DPYD: variants seen among roughly 807,000 people sequenced by gnomAD.
The protein encoded by DPYD is dihydropyrimidine dehydrogenase [NADP(+)].
Under a neutral mutation model 116.2 loss-of-function variants are expected in DPYD, and 109 were observed. The ratio of observed to expected loss-of-function variants is 0.94; its 90% CI spans 0.80 to 1.10. The LOEUF (loss-of-function observed/expected upper bound fraction) is 1.10, where lower values mean the gene tolerates loss of function less well. Ranked by LOEUF, DPYD falls within the 50% of genes least tolerant of loss-of-function variation. DPYD has a pLI of 0.00. For missense variants in DPYD, 1,302 were observed against 1,254.5 expected, an observed-to-expected ratio of 1.04 and a Z score of -0.57; for synonymous variants, 440 against 432.0, an observed-to-expected ratio of 1.02 and a Z score of -0.23.
chr1:97,495,297 T>C (rs998175945), intron 13 of DPYD, among the ~76,000 whole-genome samples: 3 of 152,078 alleles, frequency 2.0e-5, no homozygotes, highest in Non-Finnish European at 4.4e-5. Context: ...GATGAAAATA[T>C]GTAGATTAAT....
At chr1:97,825,780 A>G (rs1200801389) in intron 3 of DPYD, among the ~76,000 whole-genome samples, 1 of 152,146 alleles carries the variant, frequency 6.6e-6, no homozygotes, top group Admixed American at 6.5e-5. Flanking sequence ...ATAAAAAAAA[A>G]AGAAAGAAAG....
intron 2 of DPYD, among the ~76,000 whole-genome samples, chr1:97,838,856 A>C (rs895186123): frequency 2.0e-5 from 3 of 150,454 alleles, no homozygotes; most frequent in Non-Finnish European, 4.4e-5. Flanking sequence ...CGTCTCAAAA[A>C]AAAAAATAAA....
chr1:97,699,473 A>G lies in DPYD; in HGVS notation c.558T>C (p.Tyr186=). The G allele has an allele frequency of 3.7e-6, 6 of 1,613,702 alleles. No individual in the cohort carries two copies. Among genetic ancestry groups the G allele is most frequent in the Non-Finnish European group, 5.1e-6 (6 of 1,179,704 alleles). ...LPPPEKMSEA[Y]SAKIALFGAG... is the part of the protein sequence containing the mutation. ...CACCAAAAAGAGCAATCTTTGCAGA[A>G]TAGGCTTCAGACATTTTTTCTGGGG... Residue 186 remains tyrosine, a synonymous_variant, in exon 6 of 23, where the codon TAT becomes TAC. Transcript: ENST00000370192.
intron 8 of DPYD, among the ~76,000 whole-genome samples, chr1:97,655,207 A>T (rs1460830280): frequency 6.6e-6 from 1 of 152,190 alleles, no homozygotes; most frequent in East Asian, 1.9e-4. Context: ...TAAGAAAAAA[A>T]CTTTGGCAAT....
chr1:97,825,449 G>A (rs1037267449), intron 3 of DPYD, among the ~76,000 whole-genome samples: 2 of 152,054 alleles, frequency 1.3e-5, no homozygotes, highest in Non-Finnish European at 2.9e-5. Context: ...CTCCTGGCTA[G>A]ACACACTCAG....
rs112766203 is a variant in DPYD, at chr1:97,305,279, G to C, written c.2279C>G (p.Thr760Ser). ...PWPAVGIAKR[T>S]TYGGVSGTAI... Reference sequence around the variant, plus strand: ...CCTACCAGACACTCCTCCATATGTAGTTCGCTTTGCAATCCCCACTGCTGG... The same window carrying C: ...CCTACCAGACACTCCTCCATATGTACTTCGCTTTGCAATCCCCACTGCTGG... Residue 760 changes from threonine to serine, a missense_variant, in exon 18 of 23, where the codon ACT becomes AGT. Physicochemically the swap from Thr to Ser is moderately conservative, Grantham distance 58. Coordinates refer to ENST00000370192, the MANE Select transcript of DPYD (RefSeq NM_000110.4). 2.5e-6 allele frequency: 4 copies of C among 1,612,332 alleles called. No homozygotes were observed. The highest frequency in any genetic ancestry group is 3.4e-6 in the Non-Finnish European group (4 of 1,178,918).
In DPYD at chr1:97,523,544, T is replaced by C. The variant is rs111642321; in HGVS notation, c.1525-7603A>G. Among the ~76,000 whole-genome samples, 32 of 152,306 alleles carry C rather than the reference T, an allele frequency of 2.1e-4. No homozygotes were observed. The South Asian group carries it at 2.3e-3, about 11-fold the overall frequency. ...AGAATAAAGCAGAACCTCAGCATTA[T>C]ATAATCCCAATTGTGATCTGGGCCC... On this transcript the variant is annotated intron_variant, in intron 12 of 22. Transcript: ENST00000370192.
intron 16 of DPYD, among the ~76,000 whole-genome samples, chr1:97,371,296 G>T (rs778517553): frequency 6.6e-6 from 1 of 152,194 alleles, no homozygotes; most frequent in Non-Finnish European, 1.5e-5. Flanking sequence ...TGTCTAATTC[G>T]TGAAGCAAAT....
chr1:97,465,317 T>C (rs1314827525), intron 13 of DPYD, among the ~76,000 whole-genome samples: 3 of 152,138 alleles, frequency 2.0e-5, no homozygotes, highest in Non-Finnish European at 4.4e-5. Context: ...CTGTGGAAGT[T>C]TGAGTTAATG....
In DPYD at chr1:97,630,555, G is replaced by C. The variant is rs12032276; in HGVS notation, c.851-35389C>G. On this transcript the variant is annotated intron_variant, in intron 8 of 22. Coordinates refer to ENST00000370192, the MANE Select transcript of DPYD (RefSeq NM_000110.4). ...TGCTTCTCTAGGACCTCAGAGCTTA[G>C]TGTTTTGTCAGCTTCAAGCTGTTTT... Among the ~76,000 whole-genome samples, 1,490 of 152,186 alleles carry C rather than the reference G, an allele frequency of 9.8e-3. 40 individuals are homozygous for C. The East Asian group carries it at 0.13, about 13-fold the overall frequency.
chr1:97,620,875 T>A (rs2100770415), intron 8 of DPYD, among the ~76,000 whole-genome samples: 1 of 152,272 alleles, frequency 6.6e-6, no homozygotes. Flanking sequence ...GGATTACAGC[T>A]TTATTTAACA....
At chr1:97,530,156 C>A in intron 12 of DPYD, among the ~76,000 whole-genome samples, 1 of 148,538 alleles carries the variant, frequency 6.7e-6, no homozygotes, top group South Asian at 2.2e-4. Context: ...CAATTTCTTT[C>A]TTTTTTAAGT....
chr1:97,297,906 A>G (rs1311644466), intron 18 of DPYD, among the ~76,000 whole-genome samples: 1 of 152,172 alleles, frequency 6.6e-6, no homozygotes, highest in Non-Finnish European at 1.5e-5. Flanking sequence ...ATTGTCTTCA[A>G]TGGCACTCAT....
At chr1:97,079,820 T>G (rs989766780) in intron 22 of DPYD, among the ~76,000 whole-genome samples, 1 of 152,026 alleles carries the variant, frequency 6.6e-6, no homozygotes, top group Non-Finnish European at 1.5e-5. Context: ...TGAAACGGCT[T>G]AGGATTTTGA....
In DPYD at chr1:97,295,766, G is replaced by A. The variant is rs186274572; in HGVS notation, c.2299+9493C>T. 50 of 984,272 alleles carry A rather than the reference G, an allele frequency of 5.1e-5. No homozygotes were observed. The East Asian group carries it at 3.8e-3, about 74-fold the overall frequency. The allele number at this position is 984,272 out of a possible 1,614,324, so 61.0% of individuals were successfully genotyped here. A position where few individuals can be genotyped will look rare whatever the true frequency, so the allele number is the denominator to read the frequency against. On this transcript the variant is annotated intron_variant, in intron 18 of 22. Transcript: ENST00000370192. ...CTTAAAATTGCCAGTGCTACTGTAA[G>A]AGACATAGTTAAGTTTATATTAAAA...
intron 21 of DPYD, among the ~76,000 whole-genome samples, chr1:97,083,521 T>A (rs924608716): frequency 1.3e-5 from 2 of 152,164 alleles, no homozygotes. Context: ...CCTTTGTGTA[T>A]CTTTCAAGTG....
intron 3 of DPYD, among the ~76,000 whole-genome samples, chr1:97,777,562 A>T (rs1415585219): frequency 1.3e-5 from 2 of 152,214 alleles, no homozygotes; most frequent in African/African-American, 4.8e-5. Context: ...TTTCAAAGCC[A>T]GCTAACCCTA....
intron 8 of DPYD, among the ~76,000 whole-genome samples, chr1:97,642,863 C>T (rs904557256): frequency 6.7e-6 from 1 of 149,158 alleles, no homozygotes; most frequent in Admixed American, 6.7e-5. Context: ...CACATGTACC[C>T]TAAAACTTGA....
At chr1:97,714,327 C>G (rs1288741740) in intron 5 of DPYD, among the ~76,000 whole-genome samples, 1 of 151,998 alleles carries the variant, frequency 6.6e-6, no homozygotes, top group Non-Finnish European at 1.5e-5. Flanking sequence ...ATTCTCCTGC[C>G]TCAGCCTCTT....
Sources: allele counts gnomAD v4.1 joint callset (sites outside exome capture counted in the v4.1 genomes callset), GRCh38; gene constraint gnomAD v4.1.1; transcripts MANE v1.5; gene names NCBI Gene and HGNC (gene_info 2026-07-23, HGNC 2026-07-21).